ANKRD60: variants seen among roughly 807,000 people sequenced by gnomAD.
The protein encoded by ANKRD60 is ankyrin repeat domain 60.
Under a neutral mutation model 21.3 loss-of-function variants are expected in ANKRD60, and 24 were observed. That is an observed-to-expected ratio of 1.13 (90% confidence interval 0.82 to 1.59). ANKRD60 has a LOEUF of 1.59. ANKRD60 is among the 40% of genes most tolerant of loss of function. ANKRD60 has a pLI of 0.00. For synonymous variants in ANKRD60, 182 were observed against 199.4 expected (o/e 0.91, Z 0.74); for missense variants, 490 against 466.7 (o/e 1.05, Z -0.46).
intron 3 of ANKRD60, among the ~76,000 whole-genome samples, chr20:58,219,776 G>C (rs1885239683): frequency 1.3e-5 from 2 of 152,226 alleles, no homozygotes; most frequent in Admixed American, 1.3e-4. Context: ...CCCCCCAGCA[G>C]CTGTCTGCAG....
At chr20:58,224,904 T>A (rs1984334389) in intron 1 of ANKRD60, among the ~76,000 whole-genome samples, 1 of 152,202 alleles carries the variant, frequency 6.6e-6, no homozygotes, top group Non-Finnish European at 1.5e-5. Context: ...AACAGACGTG[T>A]AAGGGCAACC....
rs563823354 is a variant in ANKRD60 at position 58,221,157 on chromosome 20, G to A, written c.727+181C>T. 3.4e-4 allele frequency among the ~76,000 whole-genome samples: 52 copies of A among 152,210 alleles called. No individual in the cohort carries two copies. The South Asian group carries it at 0.01, about 30-fold the overall frequency. On this transcript the variant is annotated intron_variant, in intron 3 of 3. Transcript: ENST00000457363. ...AGAAGGAGGGCAGCCTCTGACTGGC[G>A]TGCCCTAAGACACTTGCCTAGACAG... is the stretch of plus-strand genomic sequence containing the variant.
At position 58,228,400 on chromosome 20, in the gene ANKRD60, G is replaced by A; in HGVS notation, c.254C>T (p.Ala85Val). 1 of 1,545,378 alleles carries A rather than the reference G, an allele frequency of 6.5e-7. No homozygotes were observed. ...GACGTCAGGGGCCAAGTCGGGCAAG[G>A]CACTCGCGGCCTTCGGGTCACAGAC... Residue 85 changes from alanine to valine, a missense_variant, in exon 1 of 4, where the codon GCC becomes GTC. Transcript: ENST00000457363. This position sits in a 1 kb window ranked among gnomAD's most constrained non-coding sequence, Gnocchi z 5.3.
chr20:58,219,041 G>A (rs1984192172), intron 3 of ANKRD60, among the ~76,000 whole-genome samples: 1 of 152,076 alleles, frequency 6.6e-6, no homozygotes, highest in African/African-American at 2.4e-5. Context: ...TGATGTTCTA[G>A]GTCTTTCCCG....
intron 3 of ANKRD60, 87 bp downstream of exon 3, chr20:58,221,251 G>A: frequency 7.2e-7 from 1 of 1,383,614 alleles, no homozygotes; most frequent in Non-Finnish European, 9.8e-7. Flanking sequence ...ACCACTGCTG[G>A]AAGGACTGGG....
downstream of ANKRD60, chr20:58,218,360 G>A (rs187547826): frequency 1.5e-5 from 13 of 860,980 alleles, no homozygotes; most frequent in African/African-American, 2.0e-4. Context: ...TTTGCAAACA[G>A]GACAGATAAT....
At chr20:58,226,602 G>T (rs1213953100) in intron 1 of ANKRD60, among the ~76,000 whole-genome samples, 1 of 152,168 alleles carries the variant, frequency 6.6e-6, no homozygotes, top group African/African-American at 2.4e-5. Flanking sequence ...CATGGACATG[G>T]CCAGCTTCAA....
intron 1 of ANKRD60, among the ~76,000 whole-genome samples, chr20:58,227,657 AT>A (rs1458725662): frequency 1.3e-5 from 2 of 152,098 alleles, no homozygotes; most frequent in Non-Finnish European, 2.9e-5. Flanking sequence ...CAGGTTTGGC[AT>A]GCTTGCGTGG....
rs550037291 is a variant in ANKRD60 at position 58,227,559 on chromosome 20, G to A, written c.430+665C>T. On this transcript the variant is annotated intron_variant, in intron 1 of 3. Transcript: ENST00000457363. Reference sequence around the variant, plus strand: ...TAGCTGGAGGATTTGGGGTTCTGAAGTAGTCATGGTTAGCCTAGAGATTTG... The same window carrying A: ...TAGCTGGAGGATTTGGGGTTCTGAAATAGTCATGGTTAGCCTAGAGATTTG... Among the ~76,000 whole-genome samples the A allele has an allele frequency of 2.2e-4, 33 of 152,236 alleles. 1 individual carries two copies. In the South Asian group the frequency reaches 6.2e-3, roughly 29 times the overall value.
Position 58,228,379 on chromosome 20 carries a change from T to C in ANKRD60, c.275A>G (p.Asp92Gly). The C allele has an allele frequency of 6.5e-7, 1 of 1,548,908 alleles. No homozygotes were observed. Among genetic ancestry groups the C allele is most frequent in the Non-Finnish European group, 8.7e-7 (1 of 1,146,794 alleles). Residue 92 changes from aspartate to glycine, a missense_variant, in exon 1 of 4, where the codon GAC becomes GGC. Coordinates refer to ENST00000457363, the Ensembl canonical transcript of ANKRD60. This position sits in a 1 kb window ranked among gnomAD's most constrained non-coding sequence, Gnocchi z 5.3. ...CAGCCGCACCCGCAGGACGAAGACG[T>C]CAGGGGCCAAGTCGGGCAAGGCACT... is the stretch of plus-strand genomic sequence containing the variant.
At chr20:58,220,738 C>G (rs1984233797) in intron 3 of ANKRD60, among the ~76,000 whole-genome samples, 1 of 148,150 alleles carries the variant, frequency 6.7e-6, no homozygotes, top group Admixed American at 6.7e-5. Context: ...GTTGTAGTCT[C>G]CTATCTCAGC....
At chr20:58,218,730 C>T (rs1254907900) in exon 4 of ANKRD60, 7 of 1,551,532 alleles carry the variant, frequency 4.5e-6, no homozygotes, top group East Asian at 4.9e-5. Context: ...GAGGATTATA[C>T]AGTCTGACCG....
At chr20:58,216,747 C>T (rs1233842203), downstream of ANKRD60, among the ~76,000 whole-genome samples, 3 of 152,354 alleles carry the variant, frequency 2.0e-5, no homozygotes, top group East Asian at 5.8e-4. Flanking sequence ...TAAAAGCTGA[C>T]TCCAGTTCTT....
chr20:58,228,578 C>A lies in ANKRD60; in HGVS notation c.76G>T (p.Gly26Trp). 1 of 1,179,818 alleles carries A rather than the reference C, an allele frequency of 8.5e-7. No individual in the cohort carries two copies. The highest frequency in any genetic ancestry group is 1.0e-6 in the Non-Finnish European group (1 of 955,158). The allele number at this position is 1,179,818 out of a possible 1,614,324, so 73.1% of individuals were successfully genotyped here. The change falls in exon 1 of 4, where the codon GGG becomes TGG. Residue 26 changes from glycine to tryptophan, a missense_variant. Physicochemically the swap from Gly to Trp is radical, Grantham distance 184. Coordinates refer to ENST00000457363, the Ensembl canonical transcript of ANKRD60. The surrounding 1 kb of genome is among the most constrained non-coding windows in gnomAD (Gnocchi z 5.3). The stretch of plus-strand genomic sequence containing the variant: ...TTGGGGTGCAGGCGAGAGGCGCCCC[C>A]AGTTGGCCCCGCCGCCCGCGCTCCG...
intron 1 of ANKRD60, among the ~76,000 whole-genome samples, chr20:58,225,433 G>A (rs1030336176): frequency 6.6e-6 from 1 of 152,182 alleles, no homozygotes; most frequent in Non-Finnish European, 1.5e-5. Context: ...AAAAATGCTC[G>A]AGAGCATCTT....
rs559163106 is a variant in ANKRD60 at position 58,220,770 on chromosome 20, A to C, written c.727+568T>G. On this transcript the variant is annotated intron_variant, in intron 3 of 3. Transcript: ENST00000457363. The stretch of plus-strand genomic sequence containing the variant: ...CAGCCTCCTGAGTAGCTGGGACTAC[A>C]GGTACGTGCCACCACACCCAGCTAA... Among the ~76,000 whole-genome samples the C allele has an allele frequency of 1.8e-3, 269 of 151,938 alleles. 3 individuals are homozygous for C. Among genetic ancestry groups the C allele is most frequent in the Middle Eastern group, 6.8e-3 (2 of 294 alleles).
At chr20:58,223,660 G>A (rs149889981) in intron 1 of ANKRD60, among the ~76,000 whole-genome samples, 50 of 152,316 alleles carry the variant, frequency 3.3e-4, no homozygotes, top group Middle Eastern at 6.8e-3. Context: ...AAATTGAAGC[G>A]TGGGAGGGAT....
At chr20:58,227,556 G>A (rs1252586514) in intron 1 of ANKRD60, among the ~76,000 whole-genome samples, 1 of 152,096 alleles carries the variant, frequency 6.6e-6, no homozygotes, top group Non-Finnish European at 1.5e-5. Flanking sequence ...TTGGGGTTCT[G>A]AAGTAGTCAT....
At chr20:58,224,909 G>A (rs1387146915) in intron 1 of ANKRD60, among the ~76,000 whole-genome samples, 1 of 152,174 alleles carries the variant, frequency 6.6e-6, no homozygotes, top group Non-Finnish European at 1.5e-5. Context: ...ACGTGTAAGG[G>A]CAACCCTGGC....
Sources: gnomAD v4.1 joint callset for allele counts (sites outside exome capture counted in the v4.1 genomes callset) on GRCh38, gnomAD v4.1.1 for gene constraint, Gnocchi (gnomAD v3.1) non-coding constraint, MANE v1.5 for transcripts, NCBI Gene and HGNC (gene_info 2026-07-23, HGNC 2026-07-21) for gene names.